Variants in SLIT3 observed in about 807,000 individuals in gnomAD.
The protein encoded by SLIT3 is slit homolog 3 protein.
In SLIT3, 68 loss-of-function variants were observed where a neutral mutation model predicts 184.0. The ratio of observed to expected loss-of-function variants is 0.37; its 90% CI spans 0.30 to 0.45. SLIT3 has a LOEUF of 0.45. Ranked by LOEUF, SLIT3 falls within the 20% of genes least tolerant of loss-of-function variation. The pLI is 1.00. For missense variants in SLIT3, 1,707 were observed against 2,026.0 expected (o/e 0.84, Z 3.02); for synonymous variants, 831 against 828.6 (o/e 1.00, Z -0.05).
At chr5:168,859,582 C>G (rs919627970) in intron 5 of SLIT3, among the ~76,000 whole-genome samples, 2 of 152,168 alleles carry the variant, frequency 1.3e-5, no homozygotes, top group African/African-American at 4.8e-5. Flanking sequence ...GGTTTTCAAG[C>G]AATGTGGTTT....
At chr5:168,724,517 AAG>A in intron 20 of SLIT3, 33 bp from the exon 21 acceptor site, 1 of 1,580,114 alleles carries the variant, frequency 6.3e-7, no homozygotes, top group East Asian at 2.2e-5. Context: ...ACACCTGAGA[AAG>A]AGACACTGTA....
Position 168,921,847 on chromosome 5 carries a change from C to A in SLIT3, c.414-38511G>T, listed in dbSNP as rs559164601. ...ATTAAATTAGAACAAAAAGGCTAAC[C>A]TTTACTGAGCACATACTACATGTGA... On this transcript the variant is annotated intron_variant, in intron 4 of 35. Transcript: ENST00000519560. 1.2e-4 allele frequency among the ~76,000 whole-genome samples: 18 copies of A among 152,264 alleles called. No individual in the cohort carries two copies. In the South Asian group the frequency reaches 3.5e-3, roughly 30 times the overall value.
At chr5:169,063,730 A>G (rs1458343805) in intron 4 of SLIT3, among the ~76,000 whole-genome samples, 1 of 152,276 alleles carries the variant, frequency 6.6e-6, no homozygotes, top group Non-Finnish European at 1.5e-5. Flanking sequence ...ATAACAAGTC[A>G]GCCACACAGG....
At chr5:169,026,548 G>A (rs1256319057) in intron 4 of SLIT3, 1 of 152,078 alleles carries the variant, frequency 6.6e-6, no homozygotes, top group Non-Finnish European at 1.5e-5. Flanking sequence ...TGAAGATCTA[G>A]AGTTATTGAT....
chr5:168,911,465 A>C (rs1215690058), intron 4 of SLIT3, among the ~76,000 whole-genome samples: 1 of 152,250 alleles, frequency 6.6e-6, no homozygotes, highest in Non-Finnish European at 1.5e-5. Flanking sequence ...TCTGATTAAA[A>C]ACAGGGTTTC....
chr5:169,133,387 G>C (rs1430920878), intron 4 of SLIT3, among the ~76,000 whole-genome samples: 1 of 152,176 alleles, frequency 6.6e-6, no homozygotes, highest in African/African-American at 2.4e-5. Context: ...GTAAAGCCTA[G>C]AGCCTGCTGG....
At chr5:168,961,095 C>T (rs573218049) in intron 4 of SLIT3, among the ~76,000 whole-genome samples, 8 of 152,276 alleles carry the variant, frequency 5.3e-5, no homozygotes, top group African/African-American at 1.2e-4. Context: ...ATCTTCATTC[C>T]CAGAAGGCAT....
At chr5:168,734,049 T>C (rs1763363791) in intron 20 of SLIT3, among the ~76,000 whole-genome samples, 2 of 152,246 alleles carry the variant, frequency 1.3e-5, no homozygotes, top group East Asian at 1.9e-4. Flanking sequence ...AGGAGGGTGC[T>C]GAGGGCTGAA....
At chr5:169,281,726 T>C (rs1767001748) in intron 1 of SLIT3, among the ~76,000 whole-genome samples, 1 of 152,238 alleles carries the variant, frequency 6.6e-6, no homozygotes, top group Non-Finnish European at 1.5e-5. Flanking sequence ...AGATTCCTGA[T>C]AACCATCTCT....
chr5:169,009,110 C>A (rs1756043717), intron 4 of SLIT3, among the ~76,000 whole-genome samples: 1 of 152,072 alleles, frequency 6.6e-6, no homozygotes, highest in South Asian at 2.1e-4. Context: ...AAAGAGAAAC[C>A]AGGAAAGGTT....
chr5:168,707,090 C>A (rs558754458), intron 26 of SLIT3: 1 of 152,370 alleles, frequency 6.6e-6, no homozygotes, highest in East Asian at 1.9e-4. Context: ...ATCCAGGAAA[C>A]CCTCCAGGGG....
chr5:169,221,132 A>G (rs967937231), intron 3 of SLIT3, among the ~76,000 whole-genome samples: 1 of 152,194 alleles, frequency 6.6e-6, no homozygotes, highest in African/African-American at 2.4e-5. Context: ...CATTTTCTCT[A>G]TCAGGCAATT....
At chr5:169,103,235 C>T (rs1185814762) in intron 4 of SLIT3, among the ~76,000 whole-genome samples, 1 of 152,194 alleles carries the variant, frequency 6.6e-6, no homozygotes, top group African/African-American at 2.4e-5. Context: ...ATAGTGAAAA[C>T]TGCTTTTGGA....
Position 169,251,350 on chromosome 5 carries a change from A to G in SLIT3, c.269+38T>C, listed in dbSNP as rs1765767403. ...CATTTTTTTGTGAGGCTGAAGAGCT[A>G]AAAATGAAAACACACTTGAGAGCCA... is the stretch of plus-strand genomic sequence containing the variant. On this transcript the variant is annotated intron_variant, in intron 2 of 35. Coordinates refer to ENST00000519560, the MANE Select transcript of SLIT3 (RefSeq NM_003062.4). The G allele has an allele frequency of 2.0e-6, 3 of 1,475,122 alleles. No individual in the cohort carries two copies. The Admixed American group carries it at 5.0e-5, about 25-fold the overall frequency. The allele number at this position is 1,475,122 out of a possible 1,614,324, so 91.4% of individuals were successfully genotyped here.
At chr5:168,814,994 G>GAT (rs1430652097) in intron 8 of SLIT3, among the ~76,000 whole-genome samples, 130 of 152,286 alleles carry the variant, frequency 8.5e-4, no homozygotes, top group African/African-American at 3.0e-3. Context: ...CATGCATAGG[G>GAT]GTCTCAATAT....
intron 20 of SLIT3, among the ~76,000 whole-genome samples, chr5:168,725,140 G>A (rs911759668): frequency 5.3e-5 from 8 of 152,120 alleles, no homozygotes; most frequent in Non-Finnish European, 1.2e-4. Flanking sequence ...CATGGCAGGA[G>A]GGGACAGGGG....
At chr5:169,076,526 G>T (rs578154577) in intron 4 of SLIT3, among the ~76,000 whole-genome samples, 12 of 151,882 alleles carry the variant, frequency 7.9e-5, no homozygotes, top group African/African-American at 2.7e-4. Context: ...TCTCTCTCTA[G>T]CTTGCTAAAA....
chr5:168,777,874 C>G (rs1203995674), intron 12 of SLIT3, among the ~76,000 whole-genome samples: 1 of 152,236 alleles, frequency 6.6e-6, no homozygotes, highest in African/African-American at 2.4e-5. Context: ...CTAGTCAACT[C>G]AGCCTGGCTT....
At chr5:169,108,579 G>A (rs756997092) in intron 4 of SLIT3, among the ~76,000 whole-genome samples, 39 of 152,198 alleles carry the variant, frequency 2.6e-4, no homozygotes, top group African/African-American at 8.7e-4. Context: ...ATGACTGGAG[G>A]TATCTGTAAC....
Sources: allele counts gnomAD v4.1 joint callset (sites outside exome capture counted in the v4.1 genomes callset), GRCh38; gene constraint gnomAD v4.1.1; transcripts MANE v1.5; gene names NCBI Gene and HGNC (gene_info 2026-07-23, HGNC 2026-07-21).